ENOPH1: variants seen among roughly 807,000 people sequenced by gnomAD.
ENOPH1 encodes the protein enolase-phosphatase 1, also known as enolase-phosphatase E1.
In ENOPH1, 14 loss-of-function variants were observed where a neutral mutation model predicts 31.1. That is an observed-to-expected ratio of 0.45 (90% CI 0.30 to 0.70). The LOEUF (loss-of-function observed/expected upper bound fraction) is 0.70, where lower values mean the gene tolerates loss of function less well. ENOPH1 is among the 30% of genes least tolerant of loss of function. The pLI is 0.09. For synonymous variants in ENOPH1, 127 were observed against 123.2 expected, an observed-to-expected ratio of 1.03 and a Z score of -0.21; for missense variants, 243 against 321.5, an observed-to-expected ratio of 0.76 and a Z score of 1.87.
chr4:82,438,152 AC>A (rs544275934), intron 1 of ENOPH1, among the ~76,000 whole-genome samples: 1 of 151,986 alleles, frequency 6.6e-6, no homozygotes, highest in Non-Finnish European at 1.5e-5. Context: ...AGGTTTTTCT[AC>A]CCCCCCAAAT....
At chr4:82,446,421 CA>C (rs367842264) in intron 1 of ENOPH1, among the ~76,000 whole-genome samples, 105 of 142,244 alleles carry the variant, frequency 7.4e-4, no homozygotes, top group Non-Finnish European at 7.6e-4. Flanking sequence ...GACTCCATCT[CA>C]AAAAAAAAAA....
rs1048832181 is a variant in ENOPH1 at position 82,460,947 on chromosome 4, A to G, written c.*827A>G. The G allele has an allele frequency of 4.6e-5, 7 of 152,246 alleles. No homozygotes were observed. Among genetic ancestry groups the G allele is most frequent in the Admixed American group, 2.6e-4 (4 of 15,290 alleles). 9.4% of individuals were successfully genotyped at this position (152,246 alleles called of 1,614,324 possible). A position where few individuals can be genotyped will look rare whatever the true frequency, so the allele number is the denominator to read the frequency against. The stretch of plus-strand genomic sequence containing the variant: ...ACTGAAATCAGTCCATAACATTAAG[A>G]TGAGCCCTAATATGTAAGATTTTCC... On this transcript the variant is annotated 3_prime_UTR_variant, in exon 6 of 6. Transcript: ENST00000273920.
At chr4:82,443,033 G>A (rs180925509) in intron 1 of ENOPH1, among the ~76,000 whole-genome samples, 5 of 152,172 alleles carry the variant, frequency 3.3e-5, no homozygotes, top group African/African-American at 9.6e-5. Flanking sequence ...TCTCAAACTC[G>A]TGACCTCAAG....
intron 2 of ENOPH1, 49 bp from the exon 3 acceptor site, chr4:82,450,994 G>A (rs981459713): frequency 6.4e-7 from 1 of 1,554,220 alleles, no homozygotes; most frequent in Non-Finnish European, 8.8e-7. Context: ...TTAAATGACT[G>A]TTTTTTGAAT....
chr4:82,437,956 G>T (rs1272220619), intron 1 of ENOPH1, among the ~76,000 whole-genome samples: 1 of 152,152 alleles, frequency 6.6e-6, no homozygotes, highest in Non-Finnish European at 1.5e-5. Flanking sequence ...AACTGAAAGT[G>T]TTTCTAGAGT....
chr4:82,436,088 A>C (rs1721897772), intron 1 of ENOPH1, among the ~76,000 whole-genome samples: 1 of 152,216 alleles, frequency 6.6e-6, no homozygotes. Flanking sequence ...CCATGCTCCC[A>C]GTTACGTCTA....
At chr4:82,455,449 A>G (rs1722459964) in intron 4 of ENOPH1, among the ~76,000 whole-genome samples, 1 of 152,228 alleles carries the variant, frequency 6.6e-6, no homozygotes, top group East Asian at 1.9e-4. Context: ...AAAATAGGTT[A>G]CTTACAATAG....
intron 5 of ENOPH1, among the ~76,000 whole-genome samples, chr4:82,459,113 C>T (rs1485256066): frequency 6.6e-6 from 1 of 152,062 alleles, no homozygotes; most frequent in Non-Finnish European, 1.5e-5. Flanking sequence ...GATTTCTCAC[C>T]AGTTTTGTTC....
At chr4:82,434,953 C>T (rs1015010130) in intron 1 of ENOPH1, among the ~76,000 whole-genome samples, 8 of 151,886 alleles carry the variant, frequency 5.3e-5, no homozygotes, top group Non-Finnish European at 8.8e-5. Flanking sequence ...TATAGCATGT[C>T]TTTGTGTCTT....
chr4:82,452,019 G>T (rs375876833), intron 3 of ENOPH1, among the ~76,000 whole-genome samples: 1 of 151,930 alleles, frequency 6.6e-6, no homozygotes, highest in African/African-American at 2.4e-5. Flanking sequence ...GGGCTTGAGC[G>T]ATCTGCCTGC....
At chr4:82,456,817 C>T in intron 4 of ENOPH1, 98 bp from the exon 5 acceptor site, 4 of 1,436,932 alleles carry the variant, frequency 2.8e-6, no homozygotes, top group South Asian at 1.4e-5. Flanking sequence ...AAATACTGAA[C>T]GAATGAAGTA....
At position 82,460,586 on chromosome 4, in the gene ENOPH1, A is replaced by G. The variant is rs1021264031; in HGVS notation, c.*466A>G. On this transcript the variant is annotated 3_prime_UTR_variant, in exon 6 of 6. Transcript: ENST00000273920. ...TAGAAGATTATAACAGCTGTATTTC[A>G]TATTTGCCTCCTTATATATATCAAA... 6.5e-6 allele frequency: 1 copy of G among 152,754 alleles called. No individual in the cohort carries two copies. Among genetic ancestry groups the G allele is most frequent in the Non-Finnish European group, 1.5e-5 (1 of 68,436 alleles). The allele number at this position is 152,754 out of a possible 1,614,324, so 9.5% of individuals were successfully genotyped here.
intron 4 of ENOPH1, among the ~76,000 whole-genome samples, chr4:82,455,411 T>C (rs187334364): frequency 2.0e-5 from 3 of 152,288 alleles, no homozygotes; most frequent in Admixed American, 6.5e-5. Context: ...AACTTAACAA[T>C]AGGTAACTTG....
intron 1 of ENOPH1, among the ~76,000 whole-genome samples, chr4:82,438,008 G>A (rs898157218): frequency 7.9e-5 from 12 of 152,090 alleles, no homozygotes; most frequent in African/African-American, 2.7e-4. Context: ...AAACCTACAA[G>A]TTATAGAGGA....
At chr4:82,442,325 G>T (rs529499457) in intron 1 of ENOPH1, among the ~76,000 whole-genome samples, 2 of 152,276 alleles carry the variant, frequency 1.3e-5, no homozygotes, top group South Asian at 4.1e-4. Flanking sequence ...TTCGAGACCA[G>T]CCTGGCCAAC....
chr4:82,441,347 G>A (rs1402246878), intron 1 of ENOPH1, among the ~76,000 whole-genome samples: 1 of 152,188 alleles, frequency 6.6e-6, no homozygotes, highest in Non-Finnish European at 1.5e-5. Context: ...AGGTTGTCAG[G>A]TGTGGTGGCT....
At chr4:82,448,877 T>C (rs1362436896) in intron 2 of ENOPH1, among the ~76,000 whole-genome samples, 1 of 149,830 alleles carries the variant, frequency 6.7e-6, no homozygotes, top group Non-Finnish European at 1.5e-5. Flanking sequence ...GCTAAAACGG[T>C]GAAACCCCGT....
At chr4:82,439,018 T>C (rs1172926781) in intron 1 of ENOPH1, among the ~76,000 whole-genome samples, 1 of 152,202 alleles carries the variant, frequency 6.6e-6, no homozygotes, top group African/African-American at 2.4e-5. Context: ...CTAATCCTAT[T>C]GCACCCATTT....
chr4:82,431,913 G>C (rs886837642), intron 1 of ENOPH1, among the ~76,000 whole-genome samples: 2 of 150,682 alleles, frequency 1.3e-5, no homozygotes, highest in Non-Finnish European at 3.0e-5. Context: ...CTGTGAATAA[G>C]GCTTTTTTTT....
Sources: allele counts gnomAD v4.1 joint callset (sites outside exome capture counted in the v4.1 genomes callset), GRCh38; gene constraint gnomAD v4.1.1; transcripts MANE v1.5; gene names NCBI Gene and HGNC (gene_info 2026-07-23, HGNC 2026-07-21).